KCNAB1: variants seen among roughly 807,000 people sequenced by gnomAD.
KCNAB1 encodes the protein voltage-gated potassium channel subunit beta-1.
In KCNAB1, 35 loss-of-function variants were observed where a neutral mutation model predicts 64.6. The observed-to-expected ratio is 0.54, with a 90% CI of 0.41 to 0.72. The LOEUF (loss-of-function observed/expected upper bound fraction) is 0.72, where lower values mean the gene tolerates loss of function less well. Ranked by LOEUF, KCNAB1 falls within the 30% of genes least tolerant of loss-of-function variation. KCNAB1 has a pLI of 0.00. For synonymous variants in KCNAB1, 177 were observed against 183.8 expected (o/e 0.96, Z 0.30); for missense variants, 401 against 512.9 (o/e 0.78, Z 2.11).
intron 1 of KCNAB1, among the ~76,000 whole-genome samples, chr3:156,195,703 A>G (rs929429458): frequency 6.6e-6 from 1 of 152,124 alleles, no homozygotes; most frequent in Non-Finnish European, 1.5e-5. Context: ...TGTCAGATGG[A>G]TAGATTGCAA....
At chr3:156,205,446 C>T (rs769140829) in intron 1 of KCNAB1, among the ~76,000 whole-genome samples, 12 of 151,976 alleles carry the variant, frequency 7.9e-5, no homozygotes, top group East Asian at 1.9e-4. Context: ...AATTTGATGG[C>T]GTTAATAAAT....
At chr3:156,160,376 A>G (rs1394114619) in intron 1 of KCNAB1, among the ~76,000 whole-genome samples, 5 of 152,212 alleles carry the variant, frequency 3.3e-5, no homozygotes, top group Non-Finnish European at 7.3e-5. Flanking sequence ...ATAATAGAAC[A>G]ACTATAAAAC....
intron 1 of KCNAB1, among the ~76,000 whole-genome samples, chr3:156,310,568 C>T (rs1236733866): frequency 6.6e-6 from 1 of 152,054 alleles, no homozygotes; most frequent in Non-Finnish European, 1.5e-5. Context: ...CTTTGGGAGG[C>T]CAAGGGGGGC....
At chr3:156,157,392 C>T (rs984125496) in intron 1 of KCNAB1, among the ~76,000 whole-genome samples, 1 of 152,068 alleles carries the variant, frequency 6.6e-6, no homozygotes, top group African/African-American at 2.4e-5. Context: ...GAAAGGTTTT[C>T]CACAAATGAT....
At chr3:156,496,653 A>G (rs911788109) in intron 8 of KCNAB1, among the ~76,000 whole-genome samples, 3 of 152,206 alleles carry the variant, frequency 2.0e-5, no homozygotes, top group African/African-American at 7.2e-5. Flanking sequence ...ATCTAATACT[A>G]CTTGTTTTTG....
At chr3:156,207,798 G>C (rs1267793962) in intron 1 of KCNAB1, among the ~76,000 whole-genome samples, 1 of 152,102 alleles carries the variant, frequency 6.6e-6, no homozygotes, top group Non-Finnish European at 1.5e-5. Context: ...GGATAATTCA[G>C]GCTAACTTTA....
chr3:156,240,977 A>G lies in KCNAB1; in HGVS notation c.275+120091A>G, dbSNP rs183081161. Among the ~76,000 whole-genome samples, 469 of 152,268 alleles carry G rather than the reference A, an allele frequency of 3.1e-3. 3 individuals are homozygous for G. The highest frequency in any genetic ancestry group is 6.9e-3 in the Admixed American group (106 of 15,298). On this transcript the variant is annotated intron_variant, in intron 1 of 13. Coordinates refer to ENST00000490337, the MANE Select transcript of KCNAB1 (RefSeq NM_172160.3). ...GGAACTGGTGTAAAACTCATAATTC[A>G]GTGCCATCCCACCTGAAAGGTGAGG...
intron 7 of KCNAB1, among the ~76,000 whole-genome samples, chr3:156,467,790 G>A (rs181001012): frequency 5.5e-4 from 83 of 152,160 alleles, no homozygotes; most frequent in African/African-American, 1.9e-3. Context: ...TTCCAGAGTG[G>A]CATTGCTAAG....
At chr3:156,441,058 A>G (rs1193572019) in intron 2 of KCNAB1, 1 of 152,208 alleles carries the variant, frequency 6.6e-6, no homozygotes, top group Admixed American at 6.5e-5. Context: ...AAGTTCATAT[A>G]TACCTCAAGA....
At chr3:156,480,490 A>G (rs931686582) in intron 8 of KCNAB1, among the ~76,000 whole-genome samples, 1 of 151,956 alleles carries the variant, frequency 6.6e-6, no homozygotes, top group East Asian at 1.9e-4. Context: ...GCACATGTAT[A>G]CCTATGTAAC....
intron 1 of KCNAB1, among the ~76,000 whole-genome samples, chr3:156,352,406 C>T (rs1471095542): frequency 2.0e-5 from 3 of 152,186 alleles, no homozygotes; most frequent in African/African-American, 7.2e-5. Flanking sequence ...GGTGTCACAG[C>T]CGCTCTAAGC....
intron 8 of KCNAB1, among the ~76,000 whole-genome samples, chr3:156,513,593 A>G (rs1717362949): frequency 6.6e-6 from 1 of 152,224 alleles, no homozygotes; most frequent in Non-Finnish European, 1.5e-5. Flanking sequence ...TCTGCAGCAC[A>G]TCTGGCTGGT....
chr3:156,355,384 T>G (rs1405010210), intron 1 of KCNAB1, among the ~76,000 whole-genome samples: 1 of 152,206 alleles, frequency 6.6e-6, no homozygotes, highest in Non-Finnish European at 1.5e-5. Flanking sequence ...GAGAGAAAAG[T>G]CACAGGCCTG....
chr3:156,133,251 T>A (rs1235436922), intron 1 of KCNAB1, among the ~76,000 whole-genome samples: 1 of 152,240 alleles, frequency 6.6e-6, no homozygotes, highest in Non-Finnish European at 1.5e-5. Context: ...CCTAGTAATT[T>A]GAACGATGTG....
chr3:156,291,276 C>T, intron 1 of KCNAB1: 1 of 989,014 alleles, frequency 1.0e-6, no homozygotes. Flanking sequence ...GGGGAGGGGT[C>T]TTGAGGAGCC....
chr3:156,187,300 A>G (rs929995435), intron 1 of KCNAB1, among the ~76,000 whole-genome samples: 5 of 152,238 alleles, frequency 3.3e-5, no homozygotes, highest in Admixed American at 3.3e-4. Context: ...TTCTTGGTAA[A>G]TGAACTACTG....
chr3:156,146,880 C>T (rs1248001958), intron 1 of KCNAB1, among the ~76,000 whole-genome samples: 4 of 152,158 alleles, frequency 2.6e-5, no homozygotes, highest in African/African-American at 9.7e-5. Context: ...TTCAGCAGGC[C>T]ATAGTTTGCT....
At chr3:156,214,097 T>G (rs912898569) in intron 1 of KCNAB1, among the ~76,000 whole-genome samples, 3 of 152,242 alleles carry the variant, frequency 2.0e-5, no homozygotes, top group Admixed American at 6.5e-5. Flanking sequence ...GATACCCCTG[T>G]GCTTGGGACC....
intron 1 of KCNAB1, among the ~76,000 whole-genome samples, chr3:156,349,171 A>C (rs1433173784): frequency 6.6e-6 from 1 of 152,202 alleles, no homozygotes; most frequent in Non-Finnish European, 1.5e-5. Flanking sequence ...AGAAATGATA[A>C]TCAGTCTAGA....
Sources: allele counts gnomAD v4.1 joint callset (sites outside exome capture counted in the v4.1 genomes callset), GRCh38; gene constraint gnomAD v4.1.1; transcripts MANE v1.5; gene names NCBI Gene and HGNC (gene_info 2026-07-23, HGNC 2026-07-21).